PDS5B: variants seen among roughly 807,000 people sequenced by gnomAD.
PDS5B encodes the protein PDS5 cohesin associated factor B.
In PDS5B, 51 loss-of-function variants were observed where a neutral mutation model predicts 184.1. The ratio of observed to expected loss-of-function variants is 0.28; its 90% CI spans 0.22 to 0.35. The LOEUF is 0.35. Ranked by LOEUF, PDS5B falls within the 10% of genes least tolerant of loss-of-function variation. The pLI, the probability that PDS5B is intolerant of heterozygous loss-of-function variation, is 1.00. For missense variants in PDS5B, 1,180 were observed against 1,723.3 expected, an observed-to-expected ratio of 0.68 and a Z score of 5.58; for synonymous variants, 566 against 569.2, an observed-to-expected ratio of 0.99 and a Z score of 0.08.
At chr13:32,637,153 C>G (rs1279910666) in intron 1 of PDS5B, among the ~76,000 whole-genome samples, 1 of 145,534 alleles carries the variant, frequency 6.9e-6, no homozygotes, top group Non-Finnish European at 1.5e-5. Flanking sequence ...TAAGATCATT[C>G]TGGTTGCTCT....
At chr13:32,656,601 T>TA (rs1318617903) in intron 3 of PDS5B, among the ~76,000 whole-genome samples, 1 of 150,578 alleles carries the variant, frequency 6.6e-6, no homozygotes, top group African/African-American at 2.4e-5. Context: ...GTGGCTTTTT[T>TA]TTTTTTTTTT....
At chr13:32,608,533 T>C (rs2058095941) in intron 1 of PDS5B, among the ~76,000 whole-genome samples, 1 of 152,168 alleles carries the variant, frequency 6.6e-6, no homozygotes, top group Non-Finnish European at 1.5e-5. Context: ...GGTGCTAGAC[T>C]TGAAGTTGTT....
chr13:32,597,686 A>G (rs1238814371), intron 1 of PDS5B, among the ~76,000 whole-genome samples: 1 of 151,866 alleles, frequency 6.6e-6, no homozygotes. Context: ...TCTCTACTAA[A>G]AAATACAAAA....
At chr13:32,698,148 G>C (rs1951760929) in intron 15 of PDS5B, among the ~76,000 whole-genome samples, 1 of 151,042 alleles carries the variant, frequency 6.6e-6, no homozygotes, top group South Asian at 2.1e-4. Flanking sequence ...TAATAATATT[G>C]TGAGAAAAAG....
chr13:32,622,115 A>G lies in PDS5B; in HGVS notation c.-19-26639A>G, dbSNP rs1469892304. ...AATTAACTAATTTCCACTCTTTTTT[A>G]TCTTCTTTCTCTGTTCTTTGATTTC... On this transcript the variant is annotated intron_variant, in intron 1 of 34. Transcript: ENST00000315596. Among the ~76,000 whole-genome samples the G allele has an allele frequency of 2.0e-5, 3 of 150,036 alleles. No individual in the cohort carries two copies. The East Asian group carries it at 5.8e-4, about 29-fold the overall frequency.
At chr13:32,592,402 C>T (rs2057791231) in intron 1 of PDS5B, among the ~76,000 whole-genome samples, 1 of 151,954 alleles carries the variant, frequency 6.6e-6, no homozygotes. Flanking sequence ...ACTACAGGTG[C>T]ACGCCACCAC....
At chr13:32,717,066 T>TG (rs1305191591) in intron 19 of PDS5B, among the ~76,000 whole-genome samples, 7 of 118,258 alleles carry the variant, frequency 5.9e-5, no homozygotes, top group Non-Finnish European at 7.2e-5. Context: ...GGGAGGGAGG[T>TG]GGGGGGGTCA....
intron 1 of PDS5B, among the ~76,000 whole-genome samples, chr13:32,619,244 A>G (rs971196254): frequency 5.3e-5 from 8 of 152,212 alleles, no homozygotes; most frequent in African/African-American, 1.9e-4. Flanking sequence ...GTTACATGTC[A>G]CTTAACAACA....
intron 3 of PDS5B, 143 bp downstream of exon 3, chr13:32,652,150 T>G: frequency 1.6e-6 from 1 of 625,834 alleles, no homozygotes; most frequent in Non-Finnish European, 2.7e-6. Flanking sequence ...TTAATGTTTT[T>G]TTTTTTTTTT....
intron 21 of PDS5B, 103 bp from the exon 22 acceptor site, chr13:32,740,977 G>A: frequency 1.5e-6 from 1 of 685,776 alleles, no homozygotes; most frequent in Non-Finnish European, 2.6e-6. Context: ...AAATGTCACT[G>A]CAGAAGGTAC....
intron 19 of PDS5B, among the ~76,000 whole-genome samples, chr13:32,723,706 T>A (rs1053633851): frequency 6.6e-6 from 1 of 152,210 alleles, no homozygotes; most frequent in African/African-American, 2.4e-5. Context: ...GGGGAAAGAT[T>A]ATAGGTGTTT....
intron 11 of PDS5B, 119 bp downstream of exon 11, chr13:32,684,142 G>C (rs1353831101): frequency 4.7e-6 from 2 of 428,356 alleles, no homozygotes; most frequent in East Asian, 8.2e-5. Context: ...TTAGGGGTAT[G>C]GAGGCATTTT....
chr13:32,730,713 G>T (rs2140947815), intron 19 of PDS5B, among the ~76,000 whole-genome samples: 1 of 152,232 alleles, frequency 6.6e-6, no homozygotes, highest in East Asian at 1.9e-4. Flanking sequence ...TAGCAATTGT[G>T]AATGGGAGCT....
At chr13:32,651,484 T>G (rs1950365722) in intron 2 of PDS5B, among the ~76,000 whole-genome samples, 1 of 152,240 alleles carries the variant, frequency 6.6e-6, no homozygotes, top group African/African-American at 2.4e-5. Flanking sequence ...TTAGTCCAGT[T>G]GTACAAGTGA....
At chr13:32,651,750 T>A in intron 2 of PDS5B, 54 bp from the exon 3 acceptor site, 1 of 1,065,278 alleles carries the variant, frequency 9.4e-7, no homozygotes, top group Non-Finnish European at 1.4e-6. Context: ...TTATTTCACA[T>A]GACTGTAGTT....
chr13:32,728,281 T>A (rs1000968379), intron 19 of PDS5B, among the ~76,000 whole-genome samples: 1 of 152,180 alleles, frequency 6.6e-6, no homozygotes, highest in Non-Finnish European at 1.5e-5. Context: ...ATTCTATCAC[T>A]TATGTCATTT....
chr13:32,673,310 G>A lies in PDS5B; in HGVS notation c.800G>A (p.Ser267Asn), dbSNP rs531302540. 6.8e-6 allele frequency: 11 copies of A among 1,612,942 alleles called. No individual in the cohort carries two copies. In the South Asian group the frequency reaches 7.7e-5, roughly 11 times the overall value. ...ATTTTGGAGCTCTACAATATTGATA[G>A]TCATTTGCTGCTCTCTGTTTTACCC... ...DLILELYNID[S>N]HLLLSVLPQL... Residue 267 changes from serine (S) to asparagine (N), a missense_variant, in exon 8 of 35, where the codon AGT becomes AAT. Physicochemically the swap from Ser to Asn is conservative, Grantham distance 46. Around this residue, in one of 11 missense-constraint regions of PDS5B, gnomAD observed 79 missense variants for 124.6 expected, o/e 0.63. Coordinates refer to ENST00000315596, the MANE Select transcript of PDS5B (RefSeq NM_015032.4).
chr13:32,679,909 G>GTGTGTGTGTCTGTGTGTGTGTC (rs148914027), intron 10 of PDS5B, among the ~76,000 whole-genome samples: 2 of 149,390 alleles, frequency 1.3e-5, no homozygotes, highest in Non-Finnish European at 3.0e-5. Context: ...GTGTGTGTGT[G>GTGTGTGTGTCTGTGTGTGTGTC]TGTGTGTCTG....
chr13:32,697,650 T>A (rs940517322), intron 15 of PDS5B, among the ~76,000 whole-genome samples: 1 of 152,206 alleles, frequency 6.6e-6, no homozygotes, highest in African/African-American at 2.4e-5. Flanking sequence ...GGAAAACTAC[T>A]TTCCAGTCCC....
Sources: gnomAD v4.1 joint callset for allele counts (sites outside exome capture counted in the v4.1 genomes callset) on GRCh38, gnomAD v4.1.1 for gene constraint, gnomAD v4.1.1 regional missense constraint, MANE v1.5 for transcripts, NCBI Gene and HGNC (gene_info 2026-07-23, HGNC 2026-07-21) for gene names.